STX8: variants seen among roughly 807,000 people sequenced by gnomAD.
The protein encoded by STX8 is syntaxin 8.
In STX8, 23 loss-of-function variants were observed where a neutral mutation model predicts 37.5. The ratio of observed to expected loss-of-function variants is 0.61; its 90% confidence interval spans 0.44 to 0.87. STX8 has a LOEUF of 0.87. Among genes scored for constraint, STX8 ranks in the 40% least tolerant of loss-of-function variants. STX8 has a pLI of 0.00. For missense variants in STX8, 313 were observed against 284.7 expected (o/e 1.10, Z -0.71); for synonymous variants, 115 against 99.1 (o/e 1.16, Z -0.95).
intron 3 of STX8, among the ~76,000 whole-genome samples, chr17:9,546,367 A>G (rs537708706): frequency 6.9e-6 from 1 of 144,514 alleles, no homozygotes; most frequent in South Asian, 2.2e-4. Flanking sequence ...TCTTTTCCAC[A>G]ACAATTCATA....
intron 7 of STX8, among the ~76,000 whole-genome samples, chr17:9,331,112 C>T (rs1172223829): frequency 3.9e-5 from 6 of 152,164 alleles, no homozygotes; most frequent in African/African-American, 7.2e-5. Context: ...CATTTCATTC[C>T]GGCCTTCCCC....
chr17:9,338,107 G>A lies in STX8; in HGVS notation c.643+40445C>T, dbSNP rs141470893. 1.2e-3 allele frequency among the ~76,000 whole-genome samples: 171 copies of A among 144,464 alleles called. 2 individuals are homozygous for A. Among genetic ancestry groups the A allele is most frequent in the Admixed American group, 9.6e-3 (136 of 14,182 alleles). 94.8% of individuals were successfully genotyped at this position (144,464 alleles called of 152,430 possible). ...TCACTCTTGTCGCCCAGGCTGGAGTGCAATGGTGTGATCTTGGCTCATTGC... is the reference window on the plus strand; with the variant it reads ...TCACTCTTGTCGCCCAGGCTGGAGTACAATGGTGTGATCTTGGCTCATTGC... On this transcript the variant is annotated intron_variant, in intron 7 of 7. Transcript: ENST00000306357.
intron 6 of STX8, among the ~76,000 whole-genome samples, chr17:9,456,941 G>A (rs1185951262): frequency 2.0e-5 from 3 of 152,080 alleles, no homozygotes; most frequent in African/African-American, 7.2e-5. Flanking sequence ...TTTAGAGTCC[G>A]CCTTAGACAC....
chr17:9,570,113 TA>T, intron 1 of STX8, among the ~76,000 whole-genome samples: 1 of 152,246 alleles, frequency 6.6e-6, no homozygotes, highest in Middle Eastern at 3.4e-3. Context: ...CTGTTGCCCC[TA>T]ATGTCCTAAT....
intron 6 of STX8, among the ~76,000 whole-genome samples, chr17:9,485,073 A>G (rs915102809): frequency 1.5e-4 from 23 of 152,198 alleles, no homozygotes; most frequent in African/African-American, 5.6e-4. Flanking sequence ...AAGACTGCTT[A>G]AGCCCAGGAA....
At chr17:9,401,066 T>C (rs1022984449) in intron 6 of STX8, among the ~76,000 whole-genome samples, 1 of 152,220 alleles carries the variant, frequency 6.6e-6, no homozygotes, top group African/African-American at 2.4e-5. Context: ...AGAAACTTCC[T>C]TTCCTTCTGG....
intron 7 of STX8, among the ~76,000 whole-genome samples, chr17:9,296,216 CAT>C (rs879399442): frequency 0.19 from 27,877 of 149,296 alleles, 3,284 homozygotes; most frequent in Non-Finnish European, 0.26. Flanking sequence ...CATGGTGGTG[CAT>C]GCCTGTAATC....
intron 7 of STX8, among the ~76,000 whole-genome samples, chr17:9,278,218 C>T (rs1176939938): frequency 6.6e-6 from 1 of 152,176 alleles, no homozygotes; most frequent in Non-Finnish European, 1.5e-5. Flanking sequence ...GAGGCCGAGG[C>T]AGGTGGATCA....
intron 3 of STX8, chr17:9,556,980 G>A (rs1318585465): frequency 6.4e-6 from 1 of 155,542 alleles, no homozygotes; most frequent in African/African-American, 2.4e-5. Context: ...CAGGTGGTGA[G>A]AGGAGAGATG....
At chr17:9,397,988 C>CAAA (rs558392635) in intron 6 of STX8, among the ~76,000 whole-genome samples, 7 of 87,036 alleles carry the variant, frequency 8.0e-5, no homozygotes, top group African/African-American at 1.4e-4. Context: ...ATTCTGTCTC[C>CAAA]AAAAAAAAAA....
At chr17:9,277,158 C>G (rs1457468180) in intron 7 of STX8, among the ~76,000 whole-genome samples, 1 of 152,128 alleles carries the variant, frequency 6.6e-6, no homozygotes, top group East Asian at 1.9e-4. Context: ...CTAGAGTTTA[C>G]AGCGTCAGTA....
At chr17:9,416,350 G>C (rs9905213) in intron 6 of STX8, among the ~76,000 whole-genome samples, 15,041 of 151,938 alleles carry the variant, frequency 0.099, 2,318 homozygotes, top group African/African-American at 0.33. Context: ...AATTAACTAT[G>C]GGAGGAATTT....
intron 6 of STX8, among the ~76,000 whole-genome samples, chr17:9,484,703 C>T (rs1009481481): frequency 3.0e-4 from 45 of 151,534 alleles, no homozygotes; most frequent in Admixed American, 2.0e-3. Context: ...GGTGCGTGCC[C>T]GTAATCCCAG....
At chr17:9,433,512 C>A (rs1236767897) in intron 6 of STX8, among the ~76,000 whole-genome samples, 1 of 152,180 alleles carries the variant, frequency 6.6e-6, no homozygotes. Context: ...ATTGGCCCTA[C>A]TGGAGATAAG....
chr17:9,544,187 G>C (rs1162168756), intron 4 of STX8, among the ~76,000 whole-genome samples: 1 of 152,180 alleles, frequency 6.6e-6, no homozygotes, highest in African/African-American at 2.4e-5. Flanking sequence ...ATCAACCCTA[G>C]CGTGGAAGAT....
intron 6 of STX8, among the ~76,000 whole-genome samples, chr17:9,405,367 A>G (rs139182480): frequency 9.2e-4 from 140 of 152,266 alleles, no homozygotes; most frequent in African/African-American, 3.3e-3. Flanking sequence ...GGCCATGGGC[A>G]TTGTCCAGTA....
chr17:9,392,858 A>T (rs560299426), intron 6 of STX8, among the ~76,000 whole-genome samples: 1 of 152,346 alleles, frequency 6.6e-6, no homozygotes, highest in South Asian at 2.1e-4. Flanking sequence ...GACCTATGGG[A>T]TAATGGGAAA....
intron 4 of STX8, among the ~76,000 whole-genome samples, chr17:9,508,061 C>T (rs1904902296): frequency 6.6e-6 from 1 of 152,048 alleles, no homozygotes; most frequent in African/African-American, 2.4e-5. Context: ...ACAATAATTC[C>T]TGTGTAATAG....
chr17:9,452,786 C>T (rs1905082684), intron 6 of STX8, among the ~76,000 whole-genome samples: 1 of 149,418 alleles, frequency 6.7e-6, no homozygotes, highest in Admixed American at 6.8e-5. Flanking sequence ...ACAAAGTATC[C>T]CAGTAGGATG....
Sources: gnomAD v4.1 joint callset for allele counts (sites outside exome capture counted in the v4.1 genomes callset) on GRCh38, gnomAD v4.1.1 for gene constraint, MANE v1.5 for transcripts, NCBI Gene and HGNC (gene_info 2026-07-23, HGNC 2026-07-21) for gene names.